IGF1R: variants seen among roughly 807,000 people sequenced by gnomAD.
The protein encoded by IGF1R is insulin like growth factor 1 receptor.
Under a neutral mutation model 144.6 loss-of-function variants are expected in IGF1R, and 44 were observed. The observed-to-expected ratio is 0.30, with a 90% CI of 0.24 to 0.39. The LOEUF is 0.39. Among genes scored for constraint, IGF1R ranks in the 10% least tolerant of loss-of-function variants. The probability of loss-of-function intolerance (pLI) is 1.00; values close to 1 mark genes in which losing one functional copy is unlikely to be tolerated. For synonymous variants in IGF1R, 795 were observed against 722.8 expected, an observed-to-expected ratio of 1.10 and a Z score of -1.60; for missense variants, 1,355 against 1,833.7, an observed-to-expected ratio of 0.74 and a Z score of 4.77.
intron 2 of IGF1R, among the ~76,000 whole-genome samples, chr15:98,762,610 C>T (rs2055333576): frequency 6.6e-6 from 1 of 151,646 alleles, no homozygotes. Context: ...TGCCTGTAAT[C>T]CCAGTTACTC....
intron 1 of IGF1R, among the ~76,000 whole-genome samples, chr15:98,696,148 A>G (rs1360467267): frequency 6.6e-6 from 1 of 151,578 alleles, no homozygotes; most frequent in Non-Finnish European, 1.5e-5. Context: ...TTTTGCACCC[A>G]AGTGTCCAAA....
intron 2 of IGF1R, among the ~76,000 whole-genome samples, chr15:98,709,323 G>A (rs1156398790): frequency 6.6e-5 from 10 of 152,368 alleles, no homozygotes; most frequent in African/African-American, 2.4e-4. Context: ...AAAAGGATCT[G>A]TGTACCCTGA....
At chr15:98,698,619 G>A (rs1379206280) in intron 1 of IGF1R, among the ~76,000 whole-genome samples, 4 of 152,222 alleles carry the variant, frequency 2.6e-5, no homozygotes, top group Admixed American at 2.0e-4. Flanking sequence ...GCATGTGAGA[G>A]GATTTCCTTC....
chr15:98,687,355 G>C (rs988229784), intron 1 of IGF1R, among the ~76,000 whole-genome samples: 4 of 152,198 alleles, frequency 2.6e-5, no homozygotes, highest in African/African-American at 7.2e-5. Context: ...TGGGTGTTTT[G>C]ATGGAAGGAG....
chr15:98,702,968 C>T (rs1043840999), intron 1 of IGF1R, among the ~76,000 whole-genome samples: 3 of 152,004 alleles, frequency 2.0e-5, no homozygotes, highest in African/African-American at 4.8e-5. Flanking sequence ...AAAATGACAT[C>T]TTTGGAGAAG....
At chr15:98,740,695 G>A (rs1213584179) in intron 2 of IGF1R, among the ~76,000 whole-genome samples, 1 of 152,184 alleles carries the variant, frequency 6.6e-6, no homozygotes, top group Non-Finnish European at 1.5e-5. Flanking sequence ...TTTGGAGGCA[G>A]GATAAAGGAA....
At chr15:98,942,804 T>C (rs1019910938) in intron 18 of IGF1R, 119 bp from the exon 19 acceptor site, 2 of 1,325,496 alleles carry the variant, frequency 1.5e-6, no homozygotes. Flanking sequence ...CACCTTAAAG[T>C]GGGACGTGTC....
chr15:98,740,938 A>G (rs2054724479), intron 2 of IGF1R, among the ~76,000 whole-genome samples: 1 of 152,234 alleles, frequency 6.6e-6, no homozygotes, highest in Non-Finnish European at 1.5e-5. Flanking sequence ...AAAGTGTAGT[A>G]TTCCTCAAGG....
chr15:98,774,179 C>T (rs1047426579), intron 2 of IGF1R, among the ~76,000 whole-genome samples: 3 of 152,112 alleles, frequency 2.0e-5, no homozygotes, highest in African/African-American at 7.2e-5. Context: ...TTTCCTGAAT[C>T]CCTTCAAATC....
intron 6 of IGF1R, among the ~76,000 whole-genome samples, chr15:98,911,036 C>T (rs2014990373): frequency 6.6e-6 from 1 of 152,186 alleles, no homozygotes; most frequent in Non-Finnish European, 1.5e-5. Flanking sequence ...CTGAAGTCGC[C>T]CCTTGTTTTC....
intron 2 of IGF1R, among the ~76,000 whole-genome samples, chr15:98,806,050 C>A (rs1244444856): frequency 6.6e-6 from 1 of 152,134 alleles, no homozygotes; most frequent in Non-Finnish European, 1.5e-5. Flanking sequence ...TTGCCAGGCC[C>A]CTTGCTTTCA....
In IGF1R at chr15:98,704,945, C is replaced by T. The variant is rs145160147; in HGVS notation, c.95-2617C>T. 6.9e-3 allele frequency among the ~76,000 whole-genome samples: 1,047 copies of T among 152,230 alleles called. 20 individuals carry two copies. Among genetic ancestry groups the T allele is most frequent in the African/African-American group, 0.023 (971 of 41,520 alleles). On this transcript the variant is annotated intron_variant, in intron 1 of 20. Transcript: ENST00000650285. The surrounding 1 kb of genome is among the most constrained non-coding windows in gnomAD (Gnocchi z 4.9). ...TCAGGAATGACTCTTTGATTCTTAA[C>T]GTGAGCAACTCAGAGAATGAGAGTG...
rs567777501 is a variant in IGF1R, at chr15:98,850,146, T to C, written c.641-41179T>C. Among the ~76,000 whole-genome samples, 16 of 152,312 alleles carry C rather than the reference T, an allele frequency of 1.1e-4. No individual in the cohort carries two copies. In the South Asian group the frequency reaches 3.3e-3, roughly 32 times the overall value. The stretch of plus-strand genomic sequence containing the variant: ...CCCCCAAATTCCATCACTGAGGGAA[T>C]AAGTAAGTTAGGGTGATAGCTCCCA... On this transcript the variant is annotated intron_variant, in intron 2 of 20. Transcript: ENST00000650285.
intron 1 of IGF1R, among the ~76,000 whole-genome samples, chr15:98,674,571 C>T (rs931451643): frequency 6.6e-6 from 1 of 152,156 alleles, no homozygotes; most frequent in Non-Finnish European, 1.5e-5. Flanking sequence ...TTAAAAATAA[C>T]GTGCAGCTAT....
chr15:98,960,780 G>GTCCCC lies in IGF1R; in HGVS notation c.*3344_*3348dup. On this transcript the variant is annotated 3_prime_UTR_variant, in exon 21 of 21. Coordinates refer to ENST00000650285, the MANE Select transcript of IGF1R (RefSeq NM_000875.5). ...CTGATAGAACACACGCAGGAGCAGA[G>GTCCCC]TCCCCTCCCCCTCCAGGCTGCCCTC... The GTCCCC allele has an allele frequency of 4.3e-6, 1 of 233,814 alleles. No individual in the cohort carries two copies. Among genetic ancestry groups the GTCCCC allele is most frequent in the Non-Finnish European group, 8.5e-6 (1 of 118,260 alleles). 14.5% of individuals were successfully genotyped at this position (233,814 alleles called of 1,614,324 possible).
intron 20 of IGF1R, 88 bp from the exon 21 acceptor site, chr15:98,956,973 G>A (rs1273412016): frequency 4.2e-6 from 6 of 1,439,784 alleles, no homozygotes; most frequent in Admixed American, 1.7e-5. Context: ...ACGCTTGTAT[G>A]CGGGAAACCA....
chr15:98,669,560 T>C (rs376574034), intron 1 of IGF1R, among the ~76,000 whole-genome samples: 1 of 152,172 alleles, frequency 6.6e-6, no homozygotes, highest in Admixed American at 6.6e-5. Context: ...GGGTTAGATA[T>C]CTGGACAGGG....
Position 98,721,110 on chromosome 15 carries a change from T to TA in IGF1R, c.640+13004dup, listed in dbSNP as rs1467573409. Among the ~76,000 whole-genome samples the TA allele has an allele frequency of 7.9e-5, 12 of 152,210 alleles. 1 individual carries two copies. The highest frequency in any genetic ancestry group is 2.9e-4 in the African/African-American group (12 of 41,460). On this transcript the variant is annotated intron_variant, in intron 2 of 20. Transcript: ENST00000650285. ...GGTGAGCTCTAGCTGGAGCAGACGT[T>TA]ACCTACTGAGGCTACGCTCTTCGTG...
intron 2 of IGF1R, among the ~76,000 whole-genome samples, chr15:98,781,108 C>T (rs1334216930): frequency 6.6e-6 from 1 of 152,108 alleles, no homozygotes; most frequent in Non-Finnish European, 1.5e-5. Flanking sequence ...GATGACAGAG[C>T]GAGACCCTGT....
Sources: allele counts gnomAD v4.1 joint callset (sites outside exome capture counted in the v4.1 genomes callset), GRCh38; gene constraint gnomAD v4.1.1; non-coding constraint Gnocchi (gnomAD v3.1); transcripts MANE v1.5; gene names NCBI Gene and HGNC (gene_info 2026-07-23, HGNC 2026-07-21).